Variants in TBC1D22A observed in about 807,000 individuals in gnomAD.
TBC1D22A encodes the protein putative GTPase activator.
In TBC1D22A, 38 loss-of-function variants were observed where a neutral mutation model predicts 60.2. That is an observed-to-expected ratio of 0.63 (90% CI 0.49 to 0.83). The LOEUF is 0.83. Ranked by LOEUF, TBC1D22A falls within the 40% of genes least tolerant of loss-of-function variation. TBC1D22A has a pLI of 0.00. For missense variants in TBC1D22A, 628 were observed against 701.0 expected (o/e 0.90, Z 1.18); for synonymous variants, 302 against 281.7 (o/e 1.07, Z -0.72).
At chr22:46,876,841 C>T (rs1602270464) in intron 4 of TBC1D22A, among the ~76,000 whole-genome samples, 1 of 152,222 alleles carries the variant, frequency 6.6e-6, no homozygotes, top group South Asian at 2.1e-4. Flanking sequence ...TTACTTTGCA[C>T]AGCTGGGATT....
At chr22:46,887,690 G>A (rs563509257) in intron 5 of TBC1D22A, among the ~76,000 whole-genome samples, 5 of 152,212 alleles carry the variant, frequency 3.3e-5, no homozygotes, top group Non-Finnish European at 5.9e-5. Flanking sequence ...GGTAAGGGGC[G>A]GTGACCGAGA....
intron 4 of TBC1D22A, among the ~76,000 whole-genome samples, chr22:46,825,215 C>T (rs1170400110): frequency 6.6e-6 from 1 of 152,072 alleles, no homozygotes; most frequent in Non-Finnish European, 1.5e-5. Flanking sequence ...CATCCACGTT[C>T]CCCCCAGAGA....
chr22:46,886,653 C>A (rs2068134944), intron 5 of TBC1D22A, among the ~76,000 whole-genome samples: 1 of 152,182 alleles, frequency 6.6e-6, no homozygotes, highest in Non-Finnish European at 1.5e-5. Flanking sequence ...TAGAAATAAT[C>A]AAAATACTCA....
intron 8 of TBC1D22A, among the ~76,000 whole-genome samples, chr22:46,967,250 G>C (rs1360180869): frequency 1.3e-5 from 2 of 152,230 alleles, no homozygotes; most frequent in Non-Finnish European, 2.9e-5. Context: ...GAACCAAAGA[G>C]TTTGGCGAAT....
intron 3 of TBC1D22A, among the ~76,000 whole-genome samples, chr22:46,794,773 G>A (rs2084578951): frequency 6.6e-6 from 1 of 151,952 alleles, no homozygotes; most frequent in African/African-American, 2.4e-5. Context: ...CTGAAACGGG[G>A]AGGTCAGGGT....
chr22:46,884,563 C>G (rs6009018), intron 5 of TBC1D22A, among the ~76,000 whole-genome samples: 23,357 of 152,208 alleles, frequency 0.15, 4,999 homozygotes, highest in African/African-American at 0.48. Context: ...AGAGCAGCGG[C>G]CAGCGGCTGT....
chr22:47,135,337 C>T (rs1027827536), intron 12 of TBC1D22A, among the ~76,000 whole-genome samples: 40 of 152,178 alleles, frequency 2.6e-4, no homozygotes, highest in Non-Finnish European at 5.9e-4. Context: ...GTATCAAGCA[C>T]GGGTCCTGGA....
chr22:47,062,364 T>A (rs529335179), intron 11 of TBC1D22A, among the ~76,000 whole-genome samples: 2 of 152,140 alleles, frequency 1.3e-5, no homozygotes, highest in South Asian at 4.2e-4. Flanking sequence ...CTCTGTGGGG[T>A]GAGGGAGGAT....
At chr22:46,792,062 G>T (rs2084434129) in intron 1 of TBC1D22A, among the ~76,000 whole-genome samples, 1 of 152,216 alleles carries the variant, frequency 6.6e-6, no homozygotes, top group African/African-American at 2.4e-5. Flanking sequence ...TGCCAAGCCT[G>T]TTCAATCTTT....
rs150888808 is a variant in TBC1D22A, at chr22:46,895,990, G to A, written c.900+1144G>A. Among the ~76,000 whole-genome samples, 75 of 152,190 alleles carry A rather than the reference G, an allele frequency of 4.9e-4. No homozygotes were observed. In the East Asian group the frequency reaches 0.013, roughly 26 times the overall value. ...TACCAAATAAACTGTCCTCTGCAGC[G>A]TGTGAGTGTTCCCTCCGCACGCCGC... On this transcript the variant is annotated intron_variant, in intron 7 of 12. Transcript: ENST00000337137.
chr22:46,776,837 A>T (rs949352020), intron 1 of TBC1D22A, among the ~76,000 whole-genome samples: 1 of 152,042 alleles, frequency 6.6e-6, no homozygotes, highest in African/African-American at 2.4e-5. Flanking sequence ...GAGGGGCAGG[A>T]GGACACTGCA....
intron 4 of TBC1D22A, among the ~76,000 whole-genome samples, chr22:46,871,760 A>G (rs1381349227): frequency 3.3e-5 from 5 of 152,202 alleles, no homozygotes; most frequent in East Asian, 3.8e-4. Context: ...TCCATATTCA[A>G]CGCTCTCATT....
intron 4 of TBC1D22A, among the ~76,000 whole-genome samples, chr22:46,853,444 C>T (rs540380669): frequency 2.0e-5 from 3 of 152,276 alleles, no homozygotes; most frequent in Non-Finnish European, 2.9e-5. Context: ...GAGGGTAGGC[C>T]CCACGCCTGG....
At chr22:46,876,287 AACTT>A (rs1169017838) in intron 4 of TBC1D22A, among the ~76,000 whole-genome samples, 4 of 152,190 alleles carry the variant, frequency 2.6e-5, no homozygotes, top group African/African-American at 4.8e-5. Flanking sequence ...AATTTAGATA[AACTT>A]ACTTCATATC....
intron 4 of TBC1D22A, among the ~76,000 whole-genome samples, chr22:46,860,815 G>C (rs1172275334): frequency 6.6e-6 from 1 of 152,174 alleles, no homozygotes; most frequent in Admixed American, 6.5e-5. Flanking sequence ...GGTCCTCTCG[G>C]GCTCGAGTGT....
intron 10 of TBC1D22A, among the ~76,000 whole-genome samples, chr22:47,034,318 G>T (rs768766816): frequency 1.3e-5 from 2 of 152,118 alleles, no homozygotes; most frequent in African/African-American, 4.8e-5. Flanking sequence ...GTGTGGTGCC[G>T]CGTCCTTGTG....
rs1280044375 is a variant in TBC1D22A at position 46,793,870 on chromosome 22, T to C, written c.460+29T>C. 26 of 1,505,996 alleles carry C rather than the reference T, an allele frequency of 1.7e-5. No individual in the cohort carries two copies. The East Asian group carries it at 6.1e-4, about 35-fold the overall frequency. The allele number at this position is 1,505,996 out of a possible 1,614,324, so 93.3% of individuals were successfully genotyped here. On this transcript the variant is annotated intron_variant, in intron 3 of 12. Coordinates refer to ENST00000337137, the MANE Select transcript of TBC1D22A (RefSeq NM_014346.5). The stretch of plus-strand genomic sequence containing the variant: ...CGATGGGAGGACTGAAGAGATGGTC[T>C]GGGTTTCTGGCCAAGCTAAGAAAGT...
intron 8 of TBC1D22A, chr22:46,913,934 A>G (rs1012987486): frequency 5.7e-5 from 14 of 244,702 alleles, no homozygotes; most frequent in African/African-American, 1.2e-4. Context: ...TTTGTGTCCT[A>G]TAAGTGGTGT....
chr22:46,960,851 G>T (rs1210620449), intron 8 of TBC1D22A, among the ~76,000 whole-genome samples: 2 of 151,562 alleles, frequency 1.3e-5, no homozygotes, highest in African/African-American at 4.9e-5. Flanking sequence ...GGAGGCTGAG[G>T]CAGGAGAATG....
Sources: gnomAD v4.1 joint callset for allele counts (sites outside exome capture counted in the v4.1 genomes callset) on GRCh38, gnomAD v4.1.1 for gene constraint, MANE v1.5 for transcripts, NCBI Gene and HGNC (gene_info 2026-07-23, HGNC 2026-07-21) for gene names.